AUTS2: variants seen among roughly 807,000 people sequenced by gnomAD.
The protein encoded by AUTS2 is autism susceptibility gene 2 protein.
AUTS2 carries 17 observed loss-of-function variants against 112.4 expected under a neutral mutation model. The observed-to-expected ratio is 0.15, with a 90% CI of 0.10 to 0.23. AUTS2 has a LOEUF of 0.23. Ranked by LOEUF, AUTS2 falls within the 10% of genes least tolerant of loss-of-function variation. The pLI is 1.00. For missense variants in AUTS2, 1,510 were observed against 1,701.6 expected (o/e 0.89, Z 1.98); for synonymous variants, 751 against 702.7 (o/e 1.07, Z -1.09).
chr7:70,122,833 C>G (rs936426695), intron 3 of AUTS2, among the ~76,000 whole-genome samples: 1 of 146,616 alleles, frequency 6.8e-6, no homozygotes, highest in Non-Finnish European at 1.5e-5. Flanking sequence ...GTGTCAAGCA[C>G]TATGGCAATC....
intron 2 of AUTS2, among the ~76,000 whole-genome samples, chr7:69,945,625 T>G (rs1796779139): frequency 6.6e-6 from 1 of 152,126 alleles, no homozygotes; most frequent in Non-Finnish European, 1.5e-5. Flanking sequence ...TTTGTTTTTT[T>G]GGGTTTTTTT....
intron 2 of AUTS2, among the ~76,000 whole-genome samples, chr7:70,024,663 G>A (rs1475628885): frequency 6.6e-6 from 1 of 152,098 alleles, no homozygotes; most frequent in African/African-American, 2.4e-5. Flanking sequence ...TAAATCTAAA[G>A]AGATTTATTT....
intron 1 of AUTS2, among the ~76,000 whole-genome samples, chr7:69,848,689 G>A (rs570900017): frequency 1.3e-5 from 2 of 152,256 alleles, no homozygotes; most frequent in South Asian, 2.1e-4. Flanking sequence ...TGTCTTCCAC[G>A]TCAAAGGATT....
intron 2 of AUTS2, among the ~76,000 whole-genome samples, chr7:69,969,617 T>G (rs1253356874): frequency 2.0e-5 from 3 of 152,180 alleles, no homozygotes; most frequent in Admixed American, 6.5e-5. Flanking sequence ...CCTAGAGAGA[T>G]AATAAGTCTT....
intron 2 of AUTS2, among the ~76,000 whole-genome samples, chr7:70,014,827 C>A (rs1040751985): frequency 6.6e-6 from 1 of 152,208 alleles, no homozygotes; most frequent in African/African-American, 2.4e-5. Flanking sequence ...TCATCTGGTA[C>A]ACTGGAACTG....
At chr7:70,117,113 TTTTGTTTTTTTTTGTTTTTTTTTG>T (rs1395523720) in intron 2 of AUTS2, among the ~76,000 whole-genome samples, 4 of 100,336 alleles carry the variant, frequency 4.0e-5, no homozygotes, top group African/African-American at 2.0e-4. Flanking sequence ...TGTTTTTTTT[TTTTGTTTTTTTTTGTTTTTTTTTG>T]TTTTTTTTTT....
intron 1 of AUTS2, among the ~76,000 whole-genome samples, chr7:69,837,378 C>G (rs551842954): frequency 5.9e-5 from 9 of 152,216 alleles, no homozygotes; most frequent in African/African-American, 1.4e-4. Context: ...CCAAGGTTAC[C>G]CAGCTAGAAC....
At chr7:70,109,170 A>G (rs977466913) in intron 2 of AUTS2, among the ~76,000 whole-genome samples, 4 of 152,242 alleles carry the variant, frequency 2.6e-5, no homozygotes, top group Non-Finnish European at 5.9e-5. Flanking sequence ...TTTTTTAAAA[A>G]CAGAAAATCA....
intron 5 of AUTS2, among the ~76,000 whole-genome samples, chr7:70,686,485 T>G (rs1050457526): frequency 2.6e-5 from 4 of 152,160 alleles, no homozygotes; most frequent in African/African-American, 9.7e-5. Context: ...CAACTACCTC[T>G]TAGTTGTCCC....
Position 70,107,483 on chromosome 7 carries a change from A to G in AUTS2, c.523-10649A>G, listed in dbSNP as rs560393719. On this transcript the variant is annotated intron_variant, in intron 2 of 18. Coordinates refer to ENST00000342771, the MANE Select transcript of AUTS2 (RefSeq NM_015570.4). Reference sequence around the variant, plus strand: ...CTCAGCCTCCCGAGTAGCTGGGATTACAGGCACGCCCCACCATGCCCAGCT... The same window carrying G: ...CTCAGCCTCCCGAGTAGCTGGGATTGCAGGCACGCCCCACCATGCCCAGCT... 1.3e-4 allele frequency among the ~76,000 whole-genome samples: 19 copies of G among 150,578 alleles called. No homozygotes were observed. The East Asian group carries it at 3.7e-3, about 29-fold the overall frequency.
intron 5 of AUTS2, among the ~76,000 whole-genome samples, chr7:70,615,321 C>T (rs563912313): frequency 6.6e-6 from 1 of 152,262 alleles, no homozygotes; most frequent in South Asian, 2.1e-4. Flanking sequence ...AAAGAAGCGG[C>T]TGGTCTTTGG....
chr7:70,485,672 A>G (rs1417395445), intron 5 of AUTS2, among the ~76,000 whole-genome samples: 1 of 151,740 alleles, frequency 6.6e-6, no homozygotes, highest in Non-Finnish European at 1.5e-5. Context: ...CTCTGGTTTC[A>G]CGAGACTCAT....
At chr7:70,622,934 G>A (rs1320917395) in intron 5 of AUTS2, among the ~76,000 whole-genome samples, 1 of 152,172 alleles carries the variant, frequency 6.6e-6, no homozygotes, top group African/African-American at 2.4e-5. Flanking sequence ...TTAATCACAG[G>A]TGCTGAAAAC....
At chr7:70,679,321 A>AGGG (rs945198702) in intron 5 of AUTS2, among the ~76,000 whole-genome samples, 8 of 152,352 alleles carry the variant, frequency 5.3e-5, no homozygotes, top group African/African-American at 1.9e-4. Context: ...GGCCCATCCA[A>AGGG]GGGGGAAGTG....
rs566658992 is a variant in AUTS2 at position 70,417,328 on chromosome 7, G to A, written c.661-18424G>A. ...ATTCGCATCACAAAACCATCAGGGC[G>A]CTCAGCTCTTAGAAGGCCCTTGATG... On this transcript the variant is annotated intron_variant, in intron 4 of 18. Transcript: ENST00000342771. 2.6e-5 allele frequency among the ~76,000 whole-genome samples: 4 copies of A among 152,306 alleles called. No homozygotes were observed. The East Asian group carries it at 5.8e-4, about 22-fold the overall frequency.
At chr7:69,814,387 G>A (rs1011488692) in intron 1 of AUTS2, among the ~76,000 whole-genome samples, 4 of 152,206 alleles carry the variant, frequency 2.6e-5, no homozygotes, top group Admixed American at 2.0e-4. Flanking sequence ...GCAAGAGATT[G>A]GAGCTGTATT....
At chr7:69,638,804 G>T (rs1042298750) in intron 1 of AUTS2, among the ~76,000 whole-genome samples, 2 of 152,208 alleles carry the variant, frequency 1.3e-5, no homozygotes, top group African/African-American at 4.8e-5. Context: ...ATTTAGTCAG[G>T]AATTGAGGAG....
intron 4 of AUTS2, among the ~76,000 whole-genome samples, chr7:70,417,084 C>T (rs1795018048): frequency 6.6e-6 from 1 of 152,164 alleles, no homozygotes. Flanking sequence ...TGCAGACAGC[C>T]CCTCCACTCT....
At chr7:69,894,252 GTTTTTTTT>G (rs370966756) in intron 1 of AUTS2, among the ~76,000 whole-genome samples, 4 of 36,746 alleles carry the variant, frequency 1.1e-4, no homozygotes, top group Non-Finnish European at 1.4e-4. Context: ...GCCTTAAAGC[GTTTTTTTT>G]TTTTTTTTTT....
Sources: allele counts gnomAD v4.1 joint callset (sites outside exome capture counted in the v4.1 genomes callset), GRCh38; gene constraint gnomAD v4.1.1; transcripts MANE v1.5; gene names NCBI Gene and HGNC (gene_info 2026-07-23, HGNC 2026-07-21).